GTF3C5: variants seen among roughly 807,000 people sequenced by gnomAD.
The protein encoded by GTF3C5 is general transcription factor IIIC subunit 5.
In GTF3C5, 47 loss-of-function variants were observed where a neutral mutation model predicts 61.0. That is an observed-to-expected ratio of 0.77 (90% confidence interval 0.61 to 0.98). The LOEUF (loss-of-function observed/expected upper bound fraction) is 0.98. GTF3C5 is among the 50% of genes least tolerant of loss of function. GTF3C5 has a pLI of 0.00. For synonymous variants in GTF3C5, 295 were observed against 275.4 expected, an observed-to-expected ratio of 1.07 and a Z score of -0.71; for missense variants, 659 against 703.3, an observed-to-expected ratio of 0.94 and a Z score of 0.71.
intron 1 of GTF3C5, among the ~76,000 whole-genome samples, chr9:133,035,169 T>C (rs1849831813): frequency 6.6e-6 from 1 of 152,204 alleles, no homozygotes; most frequent in Non-Finnish European, 1.5e-5. Flanking sequence ...TATTAATCTG[T>C]TAAACCTGGG....
At chr9:133,033,943 T>C (rs1849798450) in intron 1 of GTF3C5, among the ~76,000 whole-genome samples, 1 of 152,100 alleles carries the variant, frequency 6.6e-6, no homozygotes, top group African/African-American at 2.4e-5. Context: ...GGGAGAGCGT[T>C]GGGTCCCATA....
In GTF3C5 at chr9:133,058,226, G is replaced by A; in HGVS notation, c.*246G>A. On this transcript the variant is annotated 3_prime_UTR_variant, in exon 11 of 11. Coordinates refer to ENST00000372097, the MANE Select transcript of GTF3C5 (RefSeq NM_012087.4). ...GGTATACCCTGGCTCTGCCACCCATGAACCAGCCCAGCATCCAGCCAGTGA... is the reference window on the plus strand; with the variant it reads ...GGTATACCCTGGCTCTGCCACCCATAAACCAGCCCAGCATCCAGCCAGTGA... 3 of 1,214,270 alleles carry A rather than the reference G, an allele frequency of 2.5e-6. No homozygotes were observed. The highest frequency in any genetic ancestry group is 3.1e-6 in the Non-Finnish European group (3 of 953,058). 75.2% of individuals were successfully genotyped at this position (1,214,270 alleles called of 1,614,324 possible).
At chr9:133,055,759 C>G (rs931281250) in intron 8 of GTF3C5, 2 of 1,332,314 alleles carry the variant, frequency 1.5e-6, no homozygotes, top group African/African-American at 3.0e-5. Flanking sequence ...GCCTGCTGCA[C>G]GGGCGGGCTC....
At chr9:133,043,389 C>T (rs1005539139) in intron 2 of GTF3C5, among the ~76,000 whole-genome samples, 9 of 152,338 alleles carry the variant, frequency 5.9e-5, no homozygotes, top group African/African-American at 1.9e-4. Context: ...TTAGCAAGAT[C>T]CCAGCAGATT....
chr9:133,056,606 G>A (rs887833733), intron 9 of GTF3C5, among the ~76,000 whole-genome samples, 160 bp from the exon 10 acceptor site: 4 of 152,158 alleles, frequency 2.6e-5, no homozygotes, highest in African/African-American at 9.7e-5. Flanking sequence ...GCCCCAGCTG[G>A]GAACACACAG....
chr9:133,055,491 CT>C, intron 8 of GTF3C5: 1 of 1,201,564 alleles, frequency 8.3e-7, no homozygotes, highest in Non-Finnish European at 1.1e-6. Context: ...ATGCCACAGC[CT>C]GTGCGGCCTT....
At chr9:133,042,378 G>T (rs1588467767) in intron 2 of GTF3C5, 72 bp downstream of exon 2, 1 of 1,013,276 alleles carries the variant, frequency 9.9e-7, no homozygotes, top group East Asian at 2.4e-5. Context: ...CAGGAGCTGT[G>T]TGGGTCATCT....
intron 3 of GTF3C5, among the ~76,000 whole-genome samples, chr9:133,046,867 G>C (rs1156834778): frequency 1.3e-5 from 2 of 152,146 alleles, no homozygotes; most frequent in Non-Finnish European, 2.9e-5. Context: ...GCAAAGGAAG[G>C]CTGGGGAGGC....
chr9:133,056,891 T>C lies in GTF3C5; in HGVS notation c.1376T>C (p.Ile459Thr), dbSNP rs1022760139. The C allele has an allele frequency of 1.2e-6, 2 of 1,604,168 alleles. No homozygotes were observed. The highest frequency in any genetic ancestry group is 1.3e-5 in the African/African-American group (1 of 74,404). ...ATGTCCCTCATGATCCGGCAGACCA[T>C]CCGCTCCAAGAGGCCTGGTAAGAGC... ...DTMSLMIRQTIRSKRPALFSS... is the reference protein window; with the variant it reads ...DTMSLMIRQTTRSKRPALFSS... The change falls in exon 10 of 11, where the codon ATC becomes ACC. Residue 459 changes from isoleucine to threonine, a missense_variant. Physicochemically the swap from Ile to Thr is moderately conservative, Grantham distance 89. Coordinates refer to ENST00000372097, the MANE Select transcript of GTF3C5 (RefSeq NM_012087.4).
rs190700019 is a variant in GTF3C5, at chr9:133,039,123, A to G, written c.154-2964A>G. On this transcript the variant is annotated intron_variant, in intron 1 of 10. Coordinates refer to ENST00000372097, the MANE Select transcript of GTF3C5 (RefSeq NM_012087.4). Reference sequence around the variant, plus strand: ...GCAAGTGGGGCAGCTGGAGGATGCTATGTGTAAGTTCTTTACATGTACCAG... The same window carrying G: ...GCAAGTGGGGCAGCTGGAGGATGCTGTGTGTAAGTTCTTTACATGTACCAG... 1.0e-3 allele frequency among the ~76,000 whole-genome samples: 156 copies of G among 152,270 alleles called. No homozygotes were observed. In the South Asian group the frequency reaches 0.011, roughly 10 times the overall value.
At chr9:133,049,128 C>T (rs1273340710) in intron 3 of GTF3C5, among the ~76,000 whole-genome samples, 1 of 152,200 alleles carries the variant, frequency 6.6e-6, no homozygotes, top group Non-Finnish European at 1.5e-5. Flanking sequence ...GCCATCAGCA[C>T]CCTTCGACCC....
At chr9:133,047,417 T>C (rs949610356) in intron 3 of GTF3C5, among the ~76,000 whole-genome samples, 4 of 152,158 alleles carry the variant, frequency 2.6e-5, no homozygotes, top group Non-Finnish European at 5.9e-5. Context: ...AAGAATCAAG[T>C]CACTTTGCCT....
At chr9:133,034,914 A>G (rs1172013946) in intron 1 of GTF3C5, among the ~76,000 whole-genome samples, 1 of 152,208 alleles carries the variant, frequency 6.6e-6, no homozygotes, top group Non-Finnish European at 1.5e-5. Flanking sequence ...GGATAAGCCA[A>G]CATCTTTCCA....
chr9:133,039,929 CT>C (rs1849989607), intron 1 of GTF3C5, among the ~76,000 whole-genome samples: 1 of 152,200 alleles, frequency 6.6e-6, no homozygotes, highest in Non-Finnish European at 1.5e-5. Context: ...AGAGTCTGAA[CT>C]TTTACCTGCT....
intron 3 of GTF3C5, among the ~76,000 whole-genome samples, chr9:133,048,078 G>A (rs780229955): frequency 3.3e-5 from 5 of 152,102 alleles, no homozygotes; most frequent in Non-Finnish European, 7.3e-5. Flanking sequence ...GCAGTGAGCT[G>A]TCATTGTGCC....
intron 3 of GTF3C5, 120 bp from the exon 4 acceptor site, chr9:133,050,663 G>C: frequency 1.4e-6 from 1 of 690,404 alleles, no homozygotes; most frequent in Non-Finnish European, 2.5e-6. Flanking sequence ...CAGATGTCCA[G>C]AGAGAGGCAC....
chr9:133,040,385 A>C (rs1850002231), intron 1 of GTF3C5, among the ~76,000 whole-genome samples: 1 of 152,150 alleles, frequency 6.6e-6, no homozygotes, highest in Non-Finnish European at 1.5e-5. Flanking sequence ...TTTCATATGC[A>C]CACATCCAGT....
At chr9:133,043,665 C>T (rs981179363) in intron 2 of GTF3C5, 63 bp from the exon 3 acceptor site, 51 of 1,310,628 alleles carry the variant, frequency 3.9e-5, no homozygotes, top group African/African-American at 8.7e-5. Flanking sequence ...ATGTGGGTGT[C>T]GGTGTGTGGC....
At chr9:133,036,644 C>T (rs1849869451) in intron 1 of GTF3C5, among the ~76,000 whole-genome samples, 1 of 152,126 alleles carries the variant, frequency 6.6e-6, no homozygotes, top group South Asian at 2.1e-4. Context: ...TTTAGTTCTT[C>T]AACCTGGTGG....
Sources: gnomAD v4.1 joint callset for allele counts (sites outside exome capture counted in the v4.1 genomes callset) on GRCh38, gnomAD v4.1.1 for gene constraint, MANE v1.5 for transcripts, NCBI Gene and HGNC (gene_info 2026-07-23, HGNC 2026-07-21) for gene names.